The following FIP1L1 variants were observed in gnomAD, a reference collection of about 807,000 sequenced individuals.
FIP1L1 encodes pre-mRNA 3'-end-processing factor FIP1.
Under a neutral mutation model 84.6 loss-of-function variants are expected in FIP1L1, and 21 were observed. The observed-to-expected ratio is 0.25, with a 90% CI of 0.18 to 0.36. The LOEUF is 0.36. FIP1L1 is among the 10% of genes least tolerant of loss of function. The probability of loss-of-function intolerance (pLI) is 1.00; values close to 1 mark genes in which losing one functional copy is unlikely to be tolerated. For missense variants in FIP1L1, 526 were observed against 751.1 expected (o/e 0.70, Z 3.50); for synonymous variants, 263 against 242.3 (o/e 1.09, Z -0.80).
chr4:53,385,456 T>C (rs1740440871), intron 5 of FIP1L1, among the ~76,000 whole-genome samples: 1 of 152,138 alleles, frequency 6.6e-6, no homozygotes, highest in African/African-American at 2.4e-5. Flanking sequence ...TTATTACCTT[T>C]ACACACTTCA....
rs1225152738 is a variant in FIP1L1 at position 53,389,813 on chromosome 4, T to C, written c.337T>C (p.Tyr113His). Residue 113 changes from tyrosine to histidine, a missense_variant, in exon 6 of 18, where the codon TAT becomes CAT. By Grantham distance (83) the Tyr-to-His change is moderately conservative. Coordinates refer to ENST00000337488, the MANE Select transcript of FIP1L1 (RefSeq NM_030917.4). ...TTTTTGTTTGTTTGTTTTTAGGAGT[T>C]ATGGTACAGCACCTGTAAATCTTAA... is the stretch of plus-strand genomic sequence containing the variant. ...IKTGAPQYGS[Y>H]GTAPVNLNIK... 1.2e-6 allele frequency: 2 copies of C among 1,600,730 alleles called. No homozygotes were observed. The highest frequency in any genetic ancestry group is 1.7e-6 in the Non-Finnish European group (2 of 1,175,748).
chr4:53,383,909 A>G (rs778947051), intron 5 of FIP1L1, 33 bp downstream of exon 5: 1 of 1,601,140 alleles, frequency 6.2e-7, no homozygotes, highest in Non-Finnish European at 8.5e-7. Flanking sequence ...ACAATTGTGT[A>G]AATGCTATAT....
At chr4:53,417,001 G>A (rs1336746857) in intron 11 of FIP1L1, among the ~76,000 whole-genome samples, 1 of 152,076 alleles carries the variant, frequency 6.6e-6, no homozygotes, top group Non-Finnish European at 1.5e-5. Flanking sequence ...TATTTTCAAT[G>A]TAATTTTAAA....
At chr4:53,391,329 T>C (rs1744150672) in intron 8 of FIP1L1, 101 bp from the exon 9 acceptor site, 1 of 1,186,894 alleles carries the variant, frequency 8.4e-7, no homozygotes, top group Admixed American at 2.0e-5. Flanking sequence ...CTGATGTTCT[T>C]ACTTTCAAAT....
intron 11 of FIP1L1, among the ~76,000 whole-genome samples, chr4:53,419,759 G>A (rs1761339702): frequency 6.6e-6 from 1 of 152,128 alleles, no homozygotes; most frequent in Non-Finnish European, 1.5e-5. Context: ...TACCTTAAAT[G>A]TGATGTACTT....
At chr4:53,427,067 T>C (rs1223225447) in intron 12 of FIP1L1, among the ~76,000 whole-genome samples, 1 of 152,172 alleles carries the variant, frequency 6.6e-6, no homozygotes, top group Non-Finnish European at 1.5e-5. Context: ...TAGTGGAAGA[T>C]GTTAGTCCAT....
Position 53,459,572 on chromosome 4 carries a change from T to TAAC in FIP1L1, c.*124_*126dup. ...TGTTCTGTTTGTTAGTATGAAAAGT[T>TAAC]AACTTTTTTTCCAAAATAAAAGAGT... On this transcript the variant is annotated 3_prime_UTR_variant, in exon 18 of 18. Coordinates refer to ENST00000337488, the MANE Select transcript of FIP1L1 (RefSeq NM_030917.4). The TAAC allele has an allele frequency of 2.9e-6, 4 of 1,397,838 alleles. No homozygotes were observed. Among genetic ancestry groups the TAAC allele is most frequent in the Non-Finnish European group, 4.0e-6 (4 of 1,010,882 alleles). The allele number at this position is 1,397,838 out of a possible 1,614,324, so 86.6% of individuals were successfully genotyped here.
intron 11 of FIP1L1, among the ~76,000 whole-genome samples, chr4:53,415,587 T>C (rs1237191957): frequency 6.6e-6 from 1 of 151,920 alleles, no homozygotes; most frequent in Non-Finnish European, 1.5e-5. Context: ...AGCTCAATGC[T>C]ATATAAATAT....
At position 53,453,074 on chromosome 4, in the gene FIP1L1, A is replaced by G; in HGVS notation, c.1440A>G (p.Glu480=). The G allele has an allele frequency of 6.2e-7, 1 of 1,613,590 alleles. No individual in the cohort carries two copies. Among genetic ancestry groups the G allele is most frequent in the East Asian group, 2.2e-5 (1 of 44,858 alleles). ...ERDRDRDRER[E]RTRERERERD... ...ACCGTGATCGGGACAGAGAAAGAGA[A>G]CGCACCAGAGAGAGAGAGAGGGAGC... The change falls in exon 16 of 18, where the codon GAA becomes GAG. Residue 480 remains glutamate, a synonymous_variant. Coordinates refer to ENST00000337488, the MANE Select transcript of FIP1L1 (RefSeq NM_030917.4).
chr4:53,401,451 C>G (rs1328450503), intron 10 of FIP1L1, among the ~76,000 whole-genome samples: 1 of 152,094 alleles, frequency 6.6e-6, no homozygotes, highest in African/African-American at 2.4e-5. Context: ...TACAGAGTTA[C>G]TTAGGGTGGG....
intron 11 of FIP1L1, among the ~76,000 whole-genome samples, chr4:53,418,504 C>T (rs1475055372): frequency 6.6e-6 from 1 of 152,076 alleles, no homozygotes; most frequent in Admixed American, 6.6e-5. Flanking sequence ...TTTATAAAAT[C>T]AAATTTTTAA....
chr4:53,379,316 G>C (rs949799670), intron 3 of FIP1L1, 52 bp downstream of exon 3: 4 of 1,409,308 alleles, frequency 2.8e-6, no homozygotes, highest in Non-Finnish European at 3.9e-6. Context: ...TGAAACAATG[G>C]TTCTGTCAGT....
chr4:53,402,094 A>G (rs143523081), intron 10 of FIP1L1, among the ~76,000 whole-genome samples: 2 of 152,292 alleles, frequency 1.3e-5, no homozygotes, highest in African/African-American at 4.8e-5. Context: ...CTTGAAAATG[A>G]TGTGTTTCAA....
At chr4:53,433,388 A>G (rs903802604) in intron 13 of FIP1L1, among the ~76,000 whole-genome samples, 4 of 152,118 alleles carry the variant, frequency 2.6e-5, no homozygotes, top group South Asian at 2.1e-4. Context: ...GCATTTGTCT[A>G]TCTGTGTCTG....
intron 13 of FIP1L1, among the ~76,000 whole-genome samples, chr4:53,432,420 AAAAAG>A (rs1158726556): frequency 7.4e-5 from 11 of 149,656 alleles, no homozygotes; most frequent in Middle Eastern, 6.8e-3. Context: ...AAAAAAAAAA[AAAAAG>A]AAAGAAAACA....
intron 9 of FIP1L1, among the ~76,000 whole-genome samples, chr4:53,399,171 C>G (rs548567763): frequency 3.3e-5 from 5 of 152,066 alleles, no homozygotes; most frequent in Non-Finnish European, 7.4e-5. Context: ...TGATTAACTT[C>G]AAGCTTTTAA....
chr4:53,409,691 A>T (rs992906618), intron 10 of FIP1L1, among the ~76,000 whole-genome samples: 1 of 152,236 alleles, frequency 6.6e-6, no homozygotes, highest in Non-Finnish European at 1.5e-5. Context: ...AGCCTGGGCA[A>T]TGGCGGGCGC....
At chr4:53,382,158 C>T in intron 3 of FIP1L1, 120 bp from the exon 4 acceptor site, 13 of 639,330 alleles carry the variant, frequency 2.0e-5, no homozygotes, top group Non-Finnish European at 3.0e-5. Flanking sequence ...TTTACCATTA[C>T]TGTCTCCAGT....
At chr4:53,447,204 C>T (rs1302273237) in intron 15 of FIP1L1, among the ~76,000 whole-genome samples, 1 of 152,022 alleles carries the variant, frequency 6.6e-6, no homozygotes, top group Non-Finnish European at 1.5e-5. Context: ...ATATAACTTA[C>T]ATACCATCTG....
Sources: gnomAD v4.1 joint callset for allele counts (sites outside exome capture counted in the v4.1 genomes callset) on GRCh38, gnomAD v4.1.1 for gene constraint, MANE v1.5 for transcripts, NCBI Gene and HGNC (gene_info 2026-07-23, HGNC 2026-07-21) for gene names.